CDRT4: variants seen among roughly 807,000 people sequenced by gnomAD.
CDRT4 encodes CMT1A duplicated region transcript 4 protein.
For missense variants in CDRT4, 167 were observed against 193.1 expected (o/e 0.87, Z 0.80); for synonymous variants, 64 against 69.6 (o/e 0.92, Z 0.40).
chr17:15,443,440 T>C (rs544839062), intron 2 of CDRT4, among the ~76,000 whole-genome samples: 2 of 100,244 alleles, frequency 2.0e-5, no homozygotes, highest in African/African-American at 6.8e-5. Flanking sequence ...CCACCATAGC[T>C]GGATAATTTT....
intron 1 of CDRT4, among the ~76,000 whole-genome samples, chr17:15,465,997 G>A (rs1567616143): frequency 6.7e-6 from 1 of 150,364 alleles, no homozygotes; most frequent in Non-Finnish European, 1.5e-5. Flanking sequence ...CCCTGCACAA[G>A]TGGTAAGCAC....
intron 2 of CDRT4, among the ~76,000 whole-genome samples, chr17:15,451,696 C>T (rs1456244658): frequency 6.6e-6 from 1 of 152,186 alleles, no homozygotes; most frequent in Admixed American, 6.5e-5. Context: ...TGTCCCTGAT[C>T]TTCACATGGG....
At chr17:15,453,854 A>G (rs543126657) in intron 1 of CDRT4, among the ~76,000 whole-genome samples, 2 of 152,306 alleles carry the variant, frequency 1.3e-5, no homozygotes, top group Admixed American at 6.5e-5. Flanking sequence ...TTATCTGTAA[A>G]ACAGAGGCAG....
chr17:15,465,829 T>G (rs1420066197), intron 1 of CDRT4, among the ~76,000 whole-genome samples: 1 of 149,182 alleles, frequency 6.7e-6, no homozygotes, highest in Non-Finnish European at 1.5e-5. Context: ...CCATCCACCG[T>G]GGGGAGGACA....
At chr17:15,446,878 T>C (rs1029696107) in intron 2 of CDRT4, among the ~76,000 whole-genome samples, 1 of 152,222 alleles carries the variant, frequency 6.6e-6, no homozygotes, top group Non-Finnish European at 1.5e-5. Context: ...GGCATTTTAT[T>C]TTCCAATGGT....
chr17:15,440,147 A>C, intron 3 of CDRT4, 61 bp downstream of exon 3: 2 of 1,541,764 alleles, frequency 1.3e-6, no homozygotes. Context: ...CCCACTGCGA[A>C]TCCTCCAACC....
In CDRT4 at chr17:15,450,129, T is replaced by G. The variant is rs558313774; in HGVS notation, c.-48+2875A>C. 2.7e-4 allele frequency among the ~76,000 whole-genome samples: 41 copies of G among 152,240 alleles called. No individual in the cohort carries two copies. The South Asian group carries it at 3.9e-3, about 15-fold the overall frequency. On this transcript the variant is annotated intron_variant, in intron 2 of 3. Transcript: ENST00000619038. This position sits in a 1 kb window ranked among gnomAD's most constrained non-coding sequence, Gnocchi z 4.2. ...TTCTATGTTTAGTTCTTTAAGAAAT[T>G]TTCATACTTTTTTCAATAGAAGTTA...
chr17:15,459,982 GA>G (rs1979674994), intron 1 of CDRT4, among the ~76,000 whole-genome samples: 1 of 152,188 alleles, frequency 6.6e-6, no homozygotes, highest in East Asian at 1.9e-4. Context: ...CACTTAGGGT[GA>G]GGGAGCCCCT....
intron 2 of CDRT4, chr17:15,444,176 G>A (rs1187457720): frequency 2.6e-5 from 29 of 1,128,064 alleles, no homozygotes; most frequent in Middle Eastern, 2.9e-4. Context: ...GAACTGTTCA[G>A]CAGGCCGATG....
At chr17:15,460,114 G>C (rs1979681093) in intron 1 of CDRT4, among the ~76,000 whole-genome samples, 1 of 152,096 alleles carries the variant, frequency 6.6e-6, no homozygotes, top group Non-Finnish European at 1.5e-5. Flanking sequence ...ATCCCTGCCA[G>C]ACATCTCCTC....
At chr17:15,444,124 C>T in intron 2 of CDRT4, 5 of 1,278,142 alleles carry the variant, frequency 3.9e-6, no homozygotes, top group Non-Finnish European at 4.5e-6. Context: ...AAAAACAAGG[C>T]AATCAGGAAA....
At chr17:15,451,817 C>G (rs990806359) in intron 2 of CDRT4, among the ~76,000 whole-genome samples, 1 of 152,234 alleles carries the variant, frequency 6.6e-6, no homozygotes, top group Non-Finnish European at 1.5e-5. Context: ...AATACTCTGT[C>G]TAACACTATC....
chr17:15,451,601 GGCCTT>G lies in CDRT4; in HGVS notation c.-48+1398_-48+1402del, dbSNP rs1422215977. 4.6e-5 allele frequency among the ~76,000 whole-genome samples: 7 copies of G among 152,262 alleles called. No individual in the cohort carries two copies. In the East Asian group the frequency reaches 1.2e-3, roughly 25 times the overall value. On this transcript the variant is annotated intron_variant, in intron 2 of 3. Transcript: ENST00000619038. ...ATCACCCACTGTGCCCGGCCACACT[GGCCTT>G]GCCTCTCTTCTTTAAAAACATCAAG...
intron 1 of CDRT4, among the ~76,000 whole-genome samples, chr17:15,459,877 G>A (rs1055509768): frequency 6.6e-6 from 1 of 152,060 alleles, no homozygotes; most frequent in African/African-American, 2.4e-5. Context: ...CATCTGACCT[G>A]TTGGCAAGGG....
chr17:15,438,995 G>A (rs1290951174), intron 3 of CDRT4, among the ~76,000 whole-genome samples: 1 of 152,118 alleles, frequency 6.6e-6, no homozygotes, highest in Admixed American at 6.5e-5. Flanking sequence ...GCCGAGGGGG[G>A]TGGGTGTTGC....
At chr17:15,445,878 A>C (rs1233085947) in intron 2 of CDRT4, among the ~76,000 whole-genome samples, 1 of 152,086 alleles carries the variant, frequency 6.6e-6, no homozygotes, top group South Asian at 2.1e-4. Flanking sequence ...CCCCAGAAGG[A>C]GAATCACATT....
At chr17:15,438,767 CA>C (rs1978620248) in intron 3 of CDRT4, among the ~76,000 whole-genome samples, 1 of 152,198 alleles carries the variant, frequency 6.6e-6, no homozygotes. Context: ...GCTTTTAGCA[CA>C]GTGACTAAAA....
intron 1 of CDRT4, among the ~76,000 whole-genome samples, chr17:15,455,046 G>A (rs1480234758): frequency 2.0e-5 from 3 of 152,078 alleles, no homozygotes; most frequent in Non-Finnish European, 4.4e-5. Flanking sequence ...AGATAACAAT[G>A]GCATGCAACG....
intron 1 of CDRT4, among the ~76,000 whole-genome samples, chr17:15,462,149 G>A (rs1979778570): frequency 3.3e-3 from 1 of 306 alleles, no homozygotes; most frequent in Non-Finnish European, 6.4e-3. Context: ...AAGATTCTAG[G>A]CCGGGCGTGG....
Sources: allele counts gnomAD v4.1 joint callset (sites outside exome capture counted in the v4.1 genomes callset), GRCh38; gene constraint gnomAD v4.1.1; non-coding constraint Gnocchi (gnomAD v3.1); transcripts MANE v1.5; gene names NCBI Gene and HGNC (gene_info 2026-07-23, HGNC 2026-07-21).